The following PALD1 variants were observed in gnomAD, a reference collection of about 807,000 sequenced individuals.
PALD1 encodes the protein phosphatase domain containing paladin 1.
Under a neutral mutation model 96.0 loss-of-function variants are expected in PALD1, and 57 were observed. That is an observed-to-expected ratio of 0.59 (90% CI 0.48 to 0.74). PALD1 has a LOEUF of 0.74. Ranked by LOEUF, PALD1 falls within the 30% of genes least tolerant of loss-of-function variation. The pLI is 0.00. For missense variants in PALD1, 1,063 were observed against 1,143.7 expected (o/e 0.93, Z 1.02); for synonymous variants, 464 against 473.6 (o/e 0.98, Z 0.26).
chr10:70,535,034 G>A (rs898792113), intron 10 of PALD1, among the ~76,000 whole-genome samples, 191 bp downstream of exon 10: 1 of 152,238 alleles, frequency 6.6e-6, no homozygotes, highest in African/African-American at 2.4e-5. Flanking sequence ...AAGAGGGGAA[G>A]TTTACTTTTC....
intron 1 of PALD1, among the ~76,000 whole-genome samples, chr10:70,484,154 C>G (rs1845978046): frequency 6.6e-6 from 1 of 152,080 alleles, no homozygotes; most frequent in Non-Finnish European, 1.5e-5. Context: ...AGGTGCCCAC[C>G]ACTACGCCCA....
intron 2 of PALD1, among the ~76,000 whole-genome samples, chr10:70,528,149 A>T (rs1433249546): frequency 6.6e-6 from 1 of 152,070 alleles, no homozygotes; most frequent in Admixed American, 6.5e-5. Flanking sequence ...CATGGTGTAT[A>T]TGAAGGCACT....
At chr10:70,462,965 G>A in the PALD1 span, among the ~76,000 whole-genome samples, 1 of 152,232 alleles carries the variant, frequency 6.6e-6, no homozygotes, top group African/African-American at 2.4e-5. Flanking sequence ...CAGGCCTGGG[G>A]ACATGCCCCA....
chr10:70,514,808 G>A (rs532916530), intron 1 of PALD1, among the ~76,000 whole-genome samples: 1 of 152,218 alleles, frequency 6.6e-6, no homozygotes, highest in Non-Finnish European at 1.5e-5. Flanking sequence ...ACACGGGGCC[G>A]GAGGAGCATG....
At position 70,566,613 on chromosome 10, in the gene PALD1, T is replaced by G; in HGVS notation, c.2451T>G (p.Leu817=). The G allele has an allele frequency of 6.2e-7, 1 of 1,611,388 alleles. No homozygotes were observed. Among genetic ancestry groups the G allele is most frequent in the Non-Finnish European group, 8.5e-7 (1 of 1,179,112 alleles). ...VASKAGIYEI[L]NELGFPELES... ...CGAAGGCTGGCATCTACGAGATCCT[T>G]AACGAGCTGGGCTTCCCCGAGCTGG... is the stretch of plus-strand genomic sequence containing the variant. The change falls in exon 20 of 20, where the codon CTT becomes CTG. Residue 817 remains leucine (L), a synonymous_variant. Transcript: ENST00000263563.
intron 17 of PALD1, among the ~76,000 whole-genome samples, chr10:70,541,954 G>A (rs1021080914): frequency 9.2e-5 from 14 of 152,218 alleles, no homozygotes; most frequent in Non-Finnish European, 1.9e-4. Flanking sequence ...TGGATGGCCA[G>A]CCACAAACAT....
At chr10:70,541,603 G>T in intron 17 of PALD1, 69 bp downstream of exon 17, 7 of 1,157,598 alleles carry the variant, frequency 6.0e-6, no homozygotes, top group Non-Finnish European at 9.0e-6. Context: ...CTGCTTGCCG[G>T]TCTAGGGGTC....
At chr10:70,488,114 T>C (rs1401577616) in intron 1 of PALD1, among the ~76,000 whole-genome samples, 2 of 129,922 alleles carry the variant, frequency 1.5e-5, no homozygotes, top group Non-Finnish European at 3.2e-5. Flanking sequence ...AAAAATAGTT[T>C]AAAATTTCTC....
chr10:70,536,010 CT>C (rs1262553776), intron 10 of PALD1, among the ~76,000 whole-genome samples: 1 of 152,208 alleles, frequency 6.6e-6, no homozygotes, highest in African/African-American at 2.4e-5. Flanking sequence ...TGGCTCACAC[CT>C]GTAATCCCAG....
intron 1 of PALD1, among the ~76,000 whole-genome samples, 192 bp from the exon 2 acceptor site, chr10:70,525,731 G>A (rs10999373): frequency 0.18 from 27,661 of 152,084 alleles, 3,073 homozygotes; most frequent in East Asian, 0.48. Flanking sequence ...TCGGTAAAGG[G>A]CCGGGTATAG....
rs1017393067 is a variant in PALD1 at position 70,507,399 on chromosome 10, C to T, written c.-29-18524C>T. Among the ~76,000 whole-genome samples the T allele has an allele frequency of 4.6e-5, 7 of 152,196 alleles. No individual in the cohort carries two copies. In the South Asian group the frequency reaches 8.3e-4, roughly 18 times the overall value. On this transcript the variant is annotated intron_variant, in intron 1 of 19. Coordinates refer to ENST00000263563, the MANE Select transcript of PALD1 (RefSeq NM_014431.3). ...TGCACTCCAGCCTGGGCTACAAGAG[C>T]GAAACTCTGTCTCAAAAAACAAACA...
At chr10:70,557,950 T>TTTTTTTTTTTTA (rs71012214) in intron 18 of PALD1, among the ~76,000 whole-genome samples, 1 of 135,226 alleles carries the variant, frequency 7.4e-6, no homozygotes, top group South Asian at 2.3e-4. Flanking sequence ...TTTTTTTTTT[T>TTTTTTTTTTTTA]AGAGACAGAG....
chr10:70,554,753 C>G (rs553395579), intron 18 of PALD1, among the ~76,000 whole-genome samples: 25 of 152,018 alleles, frequency 1.6e-4, no homozygotes, highest in African/African-American at 5.8e-4. Flanking sequence ...TTAAAACAGC[C>G]TGTGTCTCCT....
At chr10:70,503,132 G>A (rs1056872616) in intron 1 of PALD1, among the ~76,000 whole-genome samples, 17 of 151,906 alleles carry the variant, frequency 1.1e-4, no homozygotes, top group African/African-American at 2.7e-4. Context: ...TGCCTGCCTC[G>A]GCCTCCCAAA....
chr10:70,487,165 G>A (rs576988087), intron 1 of PALD1, among the ~76,000 whole-genome samples: 44 of 123,010 alleles, frequency 3.6e-4, no homozygotes, highest in African/African-American at 1.3e-3. Context: ...ACAGAGTCTC[G>A]CTCTGTTGCC....
chr10:70,516,283 C>T (rs1846617884), intron 1 of PALD1, among the ~76,000 whole-genome samples: 1 of 151,970 alleles, frequency 6.6e-6, no homozygotes, highest in Non-Finnish European at 1.5e-5. Context: ...GGCGTGCAAC[C>T]ACCACGCCTG....
chr10:70,504,097 G>A (rs1472507849), intron 1 of PALD1, among the ~76,000 whole-genome samples: 1 of 152,190 alleles, frequency 6.6e-6, no homozygotes, highest in Non-Finnish European at 1.5e-5. Context: ...GGGTTATGAA[G>A]GTGAAATCAA....
Position 70,541,480 on chromosome 10 carries a change from T to C in PALD1, c.2067T>C (p.Gly689=). 1 of 1,613,842 alleles carries C rather than the reference T, an allele frequency of 6.2e-7. No homozygotes were observed. Among genetic ancestry groups the C allele is most frequent in the South Asian group, 1.1e-5 (1 of 91,034 alleles). Residue 689 remains glycine, a synonymous_variant, in exon 17 of 20, where the codon GGT becomes GGC. Transcript: ENST00000263563. Reference sequence around the variant, plus strand: ...TCCCTCAGGGCTTCCCCGAGGTGGGTGAGGAGGAGCTCGTGAGTGTGCCTG... The same window carrying C: ...TCCCTCAGGGCTTCCCCGAGGTGGGCGAGGAGGAGCTCGTGAGTGTGCCTG... ...FWHIQGFPEV[G]EEELVSVPDA...
intron 1 of PALD1, among the ~76,000 whole-genome samples, chr10:70,511,370 C>T (rs994906952): frequency 8.5e-5 from 13 of 152,272 alleles, no homozygotes; most frequent in African/African-American, 3.1e-4. Flanking sequence ...GCTTCAAGGG[C>T]TCATGGTTCA....
Sources: gnomAD v4.1 joint callset for allele counts (sites outside exome capture counted in the v4.1 genomes callset) on GRCh38, gnomAD v4.1.1 for gene constraint, MANE v1.5 for transcripts, NCBI Gene and HGNC (gene_info 2026-07-23, HGNC 2026-07-21) for gene names.